The following RARB variants were observed in gnomAD, a reference collection of about 807,000 sequenced individuals.
The protein encoded by RARB is HBV-activated protein.
RARB carries 17 observed loss-of-function variants against 51.9 expected under a neutral mutation model. The observed-to-expected ratio is 0.33, with a 90% confidence interval of 0.22 to 0.49. The LOEUF is 0.49. Ranked by LOEUF, RARB falls within the 20% of genes least tolerant of loss-of-function variation. RARB has a pLI of 0.99. For synonymous variants in RARB, 215 were observed against 195.4 expected (o/e 1.10, Z -0.84); for missense variants, 369 against 550.8 (o/e 0.67, Z 3.30).
chr3:25,051,731 A>G (rs1056881822), intron 2 of RARB, among the ~76,000 whole-genome samples: 11 of 152,188 alleles, frequency 7.2e-5, no homozygotes, highest in Admixed American at 5.2e-4. Context: ...AATGCAAGAT[A>G]AGCTATCATA....
chr3:25,202,981 G>C (rs1032622347), intron 5 of RARB, among the ~76,000 whole-genome samples: 4 of 152,120 alleles, frequency 2.6e-5, no homozygotes, highest in African/African-American at 9.7e-5. Context: ...TTCAGTTCCT[G>C]GATATCCTTG....
chr3:25,020,666 T>G (rs1410962454), intron 2 of RARB, among the ~76,000 whole-genome samples: 3 of 152,270 alleles, frequency 2.0e-5, no homozygotes, highest in African/African-American at 7.2e-5. Flanking sequence ...TATAGGCTTT[T>G]GAAGATCACC....
At chr3:25,036,973 A>G (rs2125292999) in intron 2 of RARB, among the ~76,000 whole-genome samples, 1 of 152,272 alleles carries the variant, frequency 6.6e-6, no homozygotes, top group East Asian at 1.9e-4. Flanking sequence ...AGGGATTTAC[A>G]AAAGTTTGTA....
chr3:25,469,760 A>G (rs1048365445), intron 2 of RARB, among the ~76,000 whole-genome samples: 5 of 152,246 alleles, frequency 3.3e-5, no homozygotes, highest in Non-Finnish European at 7.3e-5. Flanking sequence ...TAAAAAATAC[A>G]GAGAACCAGG....
At position 25,380,760 on chromosome 3, in the gene RARB, A is replaced by G. The variant is rs559599580; in HGVS notation, c.179-80433A>G. Among the ~76,000 whole-genome samples the G allele has an allele frequency of 3.4e-4, 52 of 152,280 alleles. 1 individual carries two copies. In the South Asian group the frequency reaches 0.01, roughly 30 times the overall value. ...TGGAGTTCAAAACCCAATTAGTAGCATCTTTCGTCTCCCTCCCCCTGCTAA... is the reference window on the plus strand; with the variant it reads ...TGGAGTTCAAAACCCAATTAGTAGCGTCTTTCGTCTCCCTCCCCCTGCTAA... On this transcript the variant is annotated intron_variant, in intron 5 of 11. Coordinates refer to the RARB transcript ENST00000383772.
intron 2 of RARB, among the ~76,000 whole-genome samples, chr3:24,999,245 C>T (rs141126523): frequency 1.8e-3 from 276 of 152,240 alleles, no homozygotes; most frequent in African/African-American, 6.4e-3. Flanking sequence ...TGTAAAAACA[C>T]GTAGTACACA....
At chr3:25,231,019 G>A (rs1185703225) in intron 5 of RARB, among the ~76,000 whole-genome samples, 1 of 151,942 alleles carries the variant, frequency 6.6e-6, no homozygotes, top group Non-Finnish European at 1.5e-5. Flanking sequence ...AAAATATTAG[G>A]AAAATAAGAA....
chr3:25,021,699 T>C (rs58108862), intron 2 of RARB, among the ~76,000 whole-genome samples: 11,069 of 152,218 alleles, frequency 0.073, 500 homozygotes, highest in Non-Finnish European at 0.1. Flanking sequence ...CAGTTTTCCA[T>C]TTGTTCAAAT....
intron 1 of RARB, among the ~76,000 whole-genome samples, chr3:25,447,827 T>C (rs4681063): frequency 0.36 from 54,665 of 151,582 alleles, 10,738 homozygotes; most frequent in African/African-American, 0.52. Context: ...GAGAATCTCT[T>C]AGGTACATCA....
chr3:25,150,737 C>G (rs973748894), intron 4 of RARB, among the ~76,000 whole-genome samples: 2 of 152,182 alleles, frequency 1.3e-5, no homozygotes, highest in East Asian at 3.8e-4. Context: ...CTTCTTTGAA[C>G]TTCCAAGAGA....
intron 5 of RARB, among the ~76,000 whole-genome samples, chr3:25,289,166 T>C (rs181910918): frequency 8.5e-5 from 13 of 152,334 alleles, no homozygotes; most frequent in South Asian, 4.1e-4. Context: ...CTTCACCCAC[T>C]GTAGGCTGTG....
intron 5 of RARB, among the ~76,000 whole-genome samples, chr3:25,393,595 T>G (rs1276389924): frequency 6.6e-6 from 1 of 152,142 alleles, no homozygotes; most frequent in Non-Finnish European, 1.5e-5. Flanking sequence ...GAGATTCCAT[T>G]TCTTTCTGGT....
intron 2 of RARB, among the ~76,000 whole-genome samples, chr3:24,908,998 A>G (rs1301645363): frequency 1.3e-5 from 2 of 152,160 alleles, no homozygotes; most frequent in Admixed American, 1.3e-4. Flanking sequence ...AAAGAATGCT[A>G]TTAATAACAT....
intron 3 of RARB, among the ~76,000 whole-genome samples, chr3:25,099,451 A>G (rs1699357777): frequency 6.6e-6 from 1 of 152,166 alleles, no homozygotes. Context: ...ATGTCTTAGA[A>G]AAGAACAACT....
At chr3:25,207,951 T>A (rs1371293859) in intron 5 of RARB, among the ~76,000 whole-genome samples, 1 of 148,744 alleles carries the variant, frequency 6.7e-6, no homozygotes, top group Non-Finnish European at 1.5e-5. Flanking sequence ...CTCAGGGAGG[T>A]TTTACTCATG....
intron 2 of RARB, chr3:25,025,075 T>C: frequency 6.6e-6 from 1 of 152,020 alleles, no homozygotes; most frequent in East Asian, 1.9e-4. Flanking sequence ...TTGGGCCTGG[T>C]TAGTACTTGG....
At chr3:25,323,083 A>G (rs1050709126) in intron 5 of RARB, among the ~76,000 whole-genome samples, 3 of 152,120 alleles carry the variant, frequency 2.0e-5, no homozygotes, top group African/African-American at 7.2e-5. Flanking sequence ...GTTGGCAGGT[A>G]TGCCTCAGTG....
At chr3:24,975,240 C>G (rs148171193) in intron 2 of RARB, among the ~76,000 whole-genome samples, 1 of 152,230 alleles carries the variant, frequency 6.6e-6, no homozygotes, top group East Asian at 1.9e-4. Context: ...CTAATTCTAT[C>G]TCCCTAATGT....
At chr3:25,333,939 A>G (rs1431663920) in intron 5 of RARB, among the ~76,000 whole-genome samples, 1 of 152,208 alleles carries the variant, frequency 6.6e-6, no homozygotes, top group African/African-American at 2.4e-5. Flanking sequence ...GCTCATCATC[A>G]CTGGCCATCA....
Sources: gnomAD v4.1 joint callset for allele counts (sites outside exome capture counted in the v4.1 genomes callset) on GRCh38, gnomAD v4.1.1 for gene constraint, MANE v1.5 for transcripts, NCBI Gene and HGNC (gene_info 2026-07-23, HGNC 2026-07-21) for gene names.